RNF212B: variants seen among roughly 807,000 people sequenced by gnomAD.
RNF212B encodes the protein ring finger protein 212B, also known as E3 ubiquitin-protein ligase RNF212B.
In RNF212B, 52 loss-of-function variants were observed where a neutral mutation model predicts 55.5. The ratio of observed to expected loss-of-function variants is 0.94; its 90% CI spans 0.75 to 1.18. The LOEUF (loss-of-function observed/expected upper bound fraction) is 1.18, where lower values mean the gene tolerates loss of function less well. Among genes scored for constraint, RNF212B ranks in the 50% most tolerant of loss-of-function variants. RNF212B has a pLI of 0.00. For synonymous variants in RNF212B, 99 were observed against 121.4 expected, an observed-to-expected ratio of 0.82 and a Z score of 1.21; for missense variants, 289 against 350.4, an observed-to-expected ratio of 0.82 and a Z score of 1.40.
intron 2 of RNF212B, among the ~76,000 whole-genome samples, chr14:23,201,119 T>C (rs975601153): frequency 1.3e-5 from 2 of 152,170 alleles, no homozygotes; most frequent in Non-Finnish European, 2.9e-5. Flanking sequence ...ATTAGTTCAG[T>C]CCATGCAGTT....
intron 4 of RNF212B, among the ~76,000 whole-genome samples, chr14:23,246,481 C>G (rs1284684580): frequency 6.6e-6 from 1 of 152,044 alleles, no homozygotes; most frequent in African/African-American, 2.4e-5. Context: ...TTTCTTTGAA[C>G]CAGTCATACT....
chr14:23,242,110 A>T (rs1289433040), intron 2 of RNF212B, among the ~76,000 whole-genome samples: 2 of 150,726 alleles, frequency 1.3e-5, no homozygotes, highest in Non-Finnish European at 3.0e-5. Flanking sequence ...AAAAAAAAGA[A>T]AAGAAAAAGA....
chr14:23,209,495 T>C lies in RNF212B; in HGVS notation c.-2+16094T>C, dbSNP rs556869588. On this transcript the variant is annotated intron_variant, in intron 2 of 15. Coordinates refer to the RNF212B transcript ENST00000399910. ...ATGTGTAAAAGTATCTAATATTAGA[T>C]ATCCAATGTATAAAATATACATGCC... Among the ~76,000 whole-genome samples, 439 of 152,326 alleles carry C rather than the reference T, an allele frequency of 2.9e-3. 2 individuals carry two copies. The highest frequency in any genetic ancestry group is 4.8e-3 in the Non-Finnish European group (324 of 68,030).
Position 23,243,251 on chromosome 14 carries a change from C to T in RNF212B, c.101-5C>T, listed in dbSNP as rs935358328. ...GCCAAATATTTTTTTCCCTTTTCCT[C>T]CCAGAAAAATGTGCTGTTTGTGGAA... On this transcript the variant is annotated splice_region_variant and splice_polypyrimidine_tract_variant and intron_variant, in intron 2 of 14. Transcript: ENST00000430154. 3.2e-5 allele frequency: 49 copies of T among 1,549,050 alleles called. No homozygotes were observed. Among genetic ancestry groups the T allele is most frequent in the Admixed American group, 5.9e-5 (3 of 50,680 alleles).
chr14:23,213,513 A>T (rs1880759635), intron 2 of RNF212B, among the ~76,000 whole-genome samples: 1 of 152,140 alleles, frequency 6.6e-6, no homozygotes, highest in Non-Finnish European at 1.5e-5. Flanking sequence ...TATTGAGACA[A>T]TTCATCCACA....
In RNF212B at chr14:23,201,980, G is replaced by A. The variant is rs573496725; in HGVS notation, c.-2+8579G>A. ...ATTAAGGAGTTGGAGGCCGGGCACA[G>A]TAGCTCATGCCTGTAATCCCAGCAC... On this transcript the variant is annotated intron_variant, in intron 2 of 15. Transcript: ENST00000399910. Among the ~76,000 whole-genome samples the A allele has an allele frequency of 3.2e-3, 490 of 152,284 alleles. 5 individuals are homozygous for A. The highest frequency in any genetic ancestry group is 0.011 in the African/African-American group (456 of 41,550).
intron 2 of RNF212B, among the ~76,000 whole-genome samples, chr14:23,207,510 C>G (rs1879963734): frequency 6.6e-6 from 1 of 152,168 alleles, no homozygotes; most frequent in African/African-American, 2.4e-5. Context: ...TAGATCTCCA[C>G]CAAATTTGGG....
intron 2 of RNF212B, among the ~76,000 whole-genome samples, chr14:23,232,617 C>G (rs995647428): frequency 9.3e-5 from 14 of 151,144 alleles, no homozygotes; most frequent in African/African-American, 2.9e-4. Context: ...CCCCGCCCGG[C>G]CAGCCTCCCC....
intron 2 of RNF212B, among the ~76,000 whole-genome samples, chr14:23,220,360 C>T (rs1236968135): frequency 6.6e-6 from 1 of 151,948 alleles, no homozygotes; most frequent in Non-Finnish European, 1.5e-5. Context: ...GGCAAAACCC[C>T]ATCTTTACTA....
intron 2 of RNF212B, among the ~76,000 whole-genome samples, chr14:23,220,607 C>CCT (rs1881480873): frequency 1.3e-5 from 2 of 151,856 alleles, no homozygotes; most frequent in South Asian, 4.2e-4. Flanking sequence ...AGGTGGATCA[C>CCT]GAGGTCAGGA....
At chr14:23,256,180 C>T (rs1252323340) in intron 4 of RNF212B, among the ~76,000 whole-genome samples, 1 of 152,066 alleles carries the variant, frequency 6.6e-6, no homozygotes, top group African/African-American at 2.4e-5. Context: ...TGATGCTAGC[C>T]TGATTTTGAC....
intron 2 of RNF212B, among the ~76,000 whole-genome samples, chr14:23,198,478 TGCCTA>T (rs1359131098): frequency 6.6e-6 from 1 of 151,948 alleles, no homozygotes; most frequent in Non-Finnish European, 1.5e-5. Flanking sequence ...TCAGGAGACC[TGCCTA>T]GCCAACATAG....
Position 23,268,929 on chromosome 14 carries a change from C to T in RNF212B, c.640C>T (p.Pro214Ser), listed in dbSNP as rs1198359412. 7 of 1,550,482 alleles carry T rather than the reference C, an allele frequency of 4.5e-6. No homozygotes were observed. The highest frequency in any genetic ancestry group is 6.1e-6 in the Non-Finnish European group (7 of 1,146,588). Reference protein sequence around the residue: ...RTPRDSYNETPSPASTHSLSY... With the variant: ...RTPRDSYNETSSPASTHSLSY... ...CTTATTTTTATGCTTTCCAGAAACCCCTTCACCGGCTTCAACTCATAGCCT... is the reference window on the plus strand; with the variant it reads ...CTTATTTTTATGCTTTCCAGAAACCTCTTCACCGGCTTCAACTCATAGCCT... Residue 214 changes from proline to serine, a missense_variant, in exon 12 of 15, where the codon CCT becomes TCT. Transcript: ENST00000430154.
intron 14 of RNF212B, among the ~76,000 whole-genome samples, chr14:23,271,904 G>A (rs898532382): frequency 6.6e-6 from 1 of 152,224 alleles, no homozygotes; most frequent in Middle Eastern, 3.4e-3. Context: ...GAGTTTTTTG[G>A]TATGATGATA....
chr14:23,210,796 G>A (rs78635142), intron 2 of RNF212B, among the ~76,000 whole-genome samples: 3,030 of 59,970 alleles, frequency 0.051, 11 homozygotes, highest in African/African-American at 0.057. Flanking sequence ...AAAAAAAAAA[G>A]AAATGTAGGA....
At chr14:23,231,002 C>G (rs572287144) in intron 2 of RNF212B, among the ~76,000 whole-genome samples, 1 of 152,304 alleles carries the variant, frequency 6.6e-6, no homozygotes, top group South Asian at 2.1e-4. Context: ...GCTAGAAACA[C>G]ACTGTTTTGA....
intron 2 of RNF212B, among the ~76,000 whole-genome samples, chr14:23,217,208 G>A (rs530778561): frequency 4.1e-4 from 61 of 149,566 alleles, no homozygotes; most frequent in South Asian, 8.5e-4. Context: ...CATCAGCAGT[G>A]GCCTGGCAGA....
At chr14:23,252,795 A>C (rs1884512373) in intron 4 of RNF212B, among the ~76,000 whole-genome samples, 1 of 152,200 alleles carries the variant, frequency 6.6e-6, no homozygotes, top group Non-Finnish European at 1.5e-5. Context: ...TATCTTAAGC[A>C]ACTTTTAAGC....
intron 4 of RNF212B, among the ~76,000 whole-genome samples, chr14:23,251,301 T>C: frequency 6.6e-6 from 1 of 152,146 alleles, no homozygotes. Flanking sequence ...AGTTTTAGTA[T>C]CATACTTCAC....
Sources: allele counts gnomAD v4.1 joint callset (sites outside exome capture counted in the v4.1 genomes callset), GRCh38; gene constraint gnomAD v4.1.1; transcripts MANE v1.5; gene names NCBI Gene and HGNC (gene_info 2026-07-23, HGNC 2026-07-21).